The following TNIK variants were observed in gnomAD, a reference collection of about 807,000 sequenced individuals.
TNIK encodes TRAF2 and NCK-interacting protein kinase.
A neutral mutation model predicts 191.3 loss-of-function variants in TNIK; 49 were observed. The observed-to-expected ratio is 0.26, with a 90% confidence interval of 0.20 to 0.32. The LOEUF (loss-of-function observed/expected upper bound fraction) is 0.32. Among genes scored for constraint, TNIK ranks in the 10% least tolerant of loss-of-function variants. TNIK has a pLI of 1.00. For missense variants in TNIK, 1,155 were observed against 1,702.3 expected (o/e 0.68, Z 5.66); for synonymous variants, 594 against 600.9 (o/e 0.99, Z 0.17).
chr3:171,184,694 G>A lies in TNIK; in HGVS notation c.639+4008C>T, dbSNP rs748100816. 4.6e-5 allele frequency among the ~76,000 whole-genome samples: 7 copies of A among 152,196 alleles called. 1 individual carries two copies. Among genetic ancestry groups the A allele is most frequent in the South Asian group, 4.1e-4 (2 of 4,830 alleles). ...ATATTGTCCTCTCAGGTGACACCCT[G>A]CACGGCGGAAACTCTACCACTAGTT... On this transcript the variant is annotated intron_variant, in intron 7 of 32. Transcript: ENST00000436636.
chr3:171,414,711 C>T (rs1332625815), intron 1 of TNIK, among the ~76,000 whole-genome samples: 1 of 152,182 alleles, frequency 6.6e-6, no homozygotes, highest in Non-Finnish European at 1.5e-5. Flanking sequence ...CATATCTTTA[C>T]AAAGAGATAC....
chr3:171,429,793 G>A (rs1431909439), intron 1 of TNIK, among the ~76,000 whole-genome samples: 2 of 151,988 alleles, frequency 1.3e-5, no homozygotes, highest in Non-Finnish European at 2.9e-5. Flanking sequence ...GCCCATCAAG[G>A]TCTTGCTGGA....
At chr3:171,215,426 G>A (rs985042430) in intron 3 of TNIK, among the ~76,000 whole-genome samples, 1 of 152,078 alleles carries the variant, frequency 6.6e-6, no homozygotes, top group Non-Finnish European at 1.5e-5. Context: ...TTTTACAAAC[G>A]AGTAAAATGA....
chr3:171,408,321 G>C (rs978756909), intron 1 of TNIK, among the ~76,000 whole-genome samples: 2 of 152,110 alleles, frequency 1.3e-5, no homozygotes, highest in South Asian at 4.1e-4. Flanking sequence ...TGGAAGCCCT[G>C]ACTTTCAAAT....
intron 2 of TNIK, among the ~76,000 whole-genome samples, chr3:171,356,641 G>A (rs755495891): frequency 6.6e-6 from 1 of 152,156 alleles, no homozygotes; most frequent in Admixed American, 6.5e-5. Flanking sequence ...TTAAGGAGAT[G>A]TTATACACAA....
intron 2 of TNIK, among the ~76,000 whole-genome samples, chr3:171,368,164 C>T (rs1252002104): frequency 6.6e-6 from 1 of 152,178 alleles, no homozygotes; most frequent in African/African-American, 2.4e-5. Flanking sequence ...AGAGTTTCAC[C>T]TCTTGAATTA....
chr3:171,096,519 A>G (rs762847893), intron 22 of TNIK, among the ~76,000 whole-genome samples: 1 of 151,998 alleles, frequency 6.6e-6, no homozygotes, highest in Admixed American at 6.6e-5. Flanking sequence ...TCCTAACTCT[A>G]CCAGCATTTA....
chr3:171,129,031 G>C (rs1290544117), intron 15 of TNIK, among the ~76,000 whole-genome samples, 153 bp from the exon 16 acceptor site: 1 of 152,046 alleles, frequency 6.6e-6, no homozygotes, highest in Non-Finnish European at 1.5e-5. Context: ...TGCATCAAGA[G>C]TTTGCAAAGA....
At chr3:171,083,216 G>A (rs183922519) in intron 26 of TNIK, among the ~76,000 whole-genome samples, 11 of 152,156 alleles carry the variant, frequency 7.2e-5, no homozygotes, top group African/African-American at 2.4e-4. Flanking sequence ...CTTCTCTTAC[G>A]TCTTGTACTT....
At chr3:171,124,055 A>G (rs1179085792) in intron 17 of TNIK, among the ~76,000 whole-genome samples, 2 of 152,246 alleles carry the variant, frequency 1.3e-5, no homozygotes, top group African/African-American at 2.4e-5. Context: ...TCTTTAGGGT[A>G]TCATTAACTC....
intron 10 of TNIK, 39 bp downstream of exon 10, chr3:171,167,056 C>T (rs1734706832): frequency 2.5e-6 from 4 of 1,592,794 alleles, no homozygotes; most frequent in East Asian, 2.2e-5. Context: ...TTCACTCCAT[C>T]TTTTGTTTCT....
chr3:171,105,287 T>G (rs1291891283), intron 21 of TNIK, among the ~76,000 whole-genome samples: 1 of 152,122 alleles, frequency 6.6e-6, no homozygotes, highest in African/African-American at 2.4e-5. Flanking sequence ...GGCCAGATAA[T>G]TCTTTATTGT....
intron 4 of TNIK, among the ~76,000 whole-genome samples, chr3:171,208,689 C>A (rs1394227148): frequency 1.3e-5 from 2 of 152,050 alleles, no homozygotes; most frequent in African/African-American, 4.8e-5. Flanking sequence ...TCTGGAGTAG[C>A]TGGAATTACA....
At chr3:171,189,047 C>A (rs188636807) in intron 6 of TNIK, among the ~76,000 whole-genome samples, 7 of 152,326 alleles carry the variant, frequency 4.6e-5, no homozygotes, top group Non-Finnish European at 1.0e-4. Context: ...TCTTCCCCAG[C>A]TGAAACTTTG....
At chr3:171,323,299 C>T (rs1755371418) in intron 2 of TNIK, among the ~76,000 whole-genome samples, 1 of 152,170 alleles carries the variant, frequency 6.6e-6, no homozygotes, top group African/African-American at 2.4e-5. Flanking sequence ...CAGAAGTATG[C>T]TGGGGGGCAG....
intron 12 of TNIK, among the ~76,000 whole-genome samples, chr3:171,156,584 T>C (rs1733204614): frequency 6.6e-6 from 1 of 152,254 alleles, no homozygotes; most frequent in Non-Finnish European, 1.5e-5. Flanking sequence ...CTTTGATTTA[T>C]CTGGCAGAGG....
At chr3:171,171,352 G>A (rs35571716) in intron 9 of TNIK, among the ~76,000 whole-genome samples, 48,925 of 151,936 alleles carry the variant, frequency 0.32, 8,476 homozygotes, top group Middle Eastern at 0.44. Flanking sequence ...CCAAGAATCA[G>A]AACTGGTGCC....
rs560070361 is a variant in TNIK at position 171,444,855 on chromosome 3, A to G, written c.57+15152T>C. 2.0e-5 allele frequency among the ~76,000 whole-genome samples: 3 copies of G among 152,156 alleles called. No homozygotes were observed. The South Asian group carries it at 6.2e-4, about 32-fold the overall frequency. On this transcript the variant is annotated intron_variant, in intron 1 of 32. Coordinates refer to ENST00000436636, the MANE Select transcript of TNIK (RefSeq NM_015028.4). ...CATTTTCAGGCATACCCAAATTTCC[A>G]TGAATATATTTTGCTTTTCTTTTTT...
At position 171,062,888 on chromosome 3, in the gene TNIK, A is replaced by G. The variant is rs1276028376; in HGVS notation, c.*993T>C. ...CTCCAAGTCCCAGAAAGAACTCAAC[A>G]AAGTCTCAGTCCTAATGAAGCCCAA... is the stretch of plus-strand genomic sequence containing the variant. On this transcript the variant is annotated 3_prime_UTR_variant, in exon 33 of 33. Transcript: ENST00000436636. 6.6e-6 allele frequency: 1 copy of G among 152,212 alleles called. No homozygotes were observed. Among genetic ancestry groups the G allele is most frequent in the Non-Finnish European group, 1.5e-5 (1 of 68,036 alleles). 9.4% of individuals were successfully genotyped at this position (152,212 alleles called of 1,614,324 possible). A position where few individuals can be genotyped will look rare whatever the true frequency, so the allele number is the denominator to read the frequency against.
Sources: allele counts gnomAD v4.1 joint callset (sites outside exome capture counted in the v4.1 genomes callset), GRCh38; gene constraint gnomAD v4.1.1; transcripts MANE v1.5; gene names NCBI Gene and HGNC (gene_info 2026-07-23, HGNC 2026-07-21).